Variants in TMEM39A observed in about 807,000 individuals in gnomAD.
TMEM39A encodes the protein suppressor of SQST-1 aggregates in rpl-43 mutants.
TMEM39A carries 19 observed loss-of-function variants against 51.9 expected under a neutral mutation model. That is an observed-to-expected ratio of 0.37 (90% CI 0.26 to 0.54). The LOEUF is 0.54. Ranked by LOEUF, TMEM39A falls within the 20% of genes least tolerant of loss-of-function variation. The pLI, the probability that TMEM39A is intolerant of heterozygous loss-of-function variation, is 0.88. For missense variants in TMEM39A, 433 were observed against 590.5 expected, an observed-to-expected ratio of 0.73 and a Z score of 2.76; for synonymous variants, 197 against 220.2, an observed-to-expected ratio of 0.89 and a Z score of 0.93.
intron 7 of TMEM39A, chr3:119,436,474 T>C (rs2080969115): frequency 4.9e-6 from 1 of 203,960 alleles, no homozygotes. Context: ...TAAAAAGAAA[T>C]AAAATATATG....
chr3:119,435,772 T>C (rs897183064), intron 7 of TMEM39A: 3 of 1,139,398 alleles, frequency 2.6e-6, no homozygotes, highest in Non-Finnish European at 3.3e-6. Context: ...AAAGTGATGA[T>C]ACACCTCATG....
rs1476107218 is a variant in TMEM39A at position 119,431,481 on chromosome 3, C to G, written c.*500G>C. 3 of 152,286 alleles carry G rather than the reference C, an allele frequency of 2.0e-5. No homozygotes were observed. The highest frequency in any genetic ancestry group is 4.4e-5 in the Non-Finnish European group (3 of 68,164). 9.4% of individuals were successfully genotyped at this position (152,286 alleles called of 1,614,324 possible). A position where few individuals can be genotyped will look rare whatever the true frequency, so the allele number is the denominator to read the frequency against. ...AAGCCTACTGCTTTCTCCTGGTAGG[C>G]AACAAAGAGAACCCCACCTAGGACT... On this transcript the variant is annotated 3_prime_UTR_variant, in exon 9 of 9. Transcript: ENST00000319172.
intron 5 of TMEM39A, among the ~76,000 whole-genome samples, chr3:119,445,166 C>T (rs983507316): frequency 1.4e-4 from 22 of 152,052 alleles, no homozygotes; most frequent in African/African-American, 4.8e-4. Flanking sequence ...GTGTAACGCT[C>T]TGAAGTCTTG....
chr3:119,443,067 A>AAAAC (rs1456982982), intron 5 of TMEM39A, among the ~76,000 whole-genome samples: 2 of 149,498 alleles, frequency 1.3e-5, no homozygotes, highest in African/African-American at 4.9e-5. Context: ...CTGTCTCAAA[A>AAAAC]AAAAAAAAAA....
rs770374582 is a variant in TMEM39A, at chr3:119,436,892, C to T, written c.1011G>A (p.Leu337=). 2 of 1,613,986 alleles carry T rather than the reference C, an allele frequency of 1.2e-6. No individual in the cohort carries two copies. The highest frequency in any genetic ancestry group is 2.2e-5 in the South Asian group (2 of 91,078). ...GCAAATCACAGTATTTGGATGGCAACAGTTGCGTGGTGAGCATGACAAAAG... is the reference window on the plus strand; with the variant it reads ...GCAAATCACAGTATTTGGATGGCAATAGTTGCGTGGTGAGCATGACAAAAG... ...INAFVMLTTQ[L]LPSKYCDLLH... The change falls in exon 7 of 9, where the codon CTG becomes CTA. Residue 337 remains leucine (L), a synonymous_variant. Coordinates refer to ENST00000319172, the MANE Select transcript of TMEM39A (RefSeq NM_018266.3).
rs760832694 is a variant in TMEM39A, at chr3:119,431,953, G to A, written c.*28C>T. ...AGAACGTATGAAAATATTTTTATCT[G>A]AGTTCTCCCTCATTGTTGAGAGGCA... On this transcript the variant is annotated 3_prime_UTR_variant, in exon 9 of 9. Coordinates refer to ENST00000319172, the MANE Select transcript of TMEM39A (RefSeq NM_018266.3). 197 of 1,422,766 alleles carry A rather than the reference G, an allele frequency of 1.4e-4. No homozygotes were observed. Among genetic ancestry groups the A allele is most frequent in the Non-Finnish European group, 1.9e-4 (197 of 1,045,908 alleles). The allele number at this position is 1,422,766 out of a possible 1,614,324, so 88.1% of individuals were successfully genotyped here. A position where few individuals can be genotyped will look rare whatever the true frequency, so the allele number is the denominator to read the frequency against.
At chr3:119,434,942 G>GC in intron 7 of TMEM39A, 60 bp from the exon 8 acceptor site, 2 of 1,574,902 alleles carry the variant, frequency 1.3e-6, no homozygotes, top group Non-Finnish European at 1.7e-6. Context: ...ATAGCATCTG[G>GC]CAAGGCCAGC....
At chr3:119,453,046 T>C (rs1463520518) in intron 3 of TMEM39A, among the ~76,000 whole-genome samples, 1 of 152,192 alleles carries the variant, frequency 6.6e-6, no homozygotes, top group Non-Finnish European at 1.5e-5. Context: ...GCCTTATGTT[T>C]GGTCTCTTCT....
rs897221542 is a variant in TMEM39A at position 119,435,456 on chromosome 3, C to T, written c.1113-574G>A. The T allele has an allele frequency of 3.1e-6, 3 of 979,694 alleles. No individual in the cohort carries two copies. In the African/African-American group the frequency reaches 5.3e-5, roughly 17 times the overall value. The allele number at this position is 979,694 out of a possible 1,614,324, so 60.7% of individuals were successfully genotyped here. A position where few individuals can be genotyped will look rare whatever the true frequency, so the allele number is the denominator to read the frequency against. Reference sequence around the variant, plus strand: ...ACACACACACACAGACTTTTCACTGCTTTCATGGTTTATTTTTATAGAGGT... The same window carrying T: ...ACACACACACACAGACTTTTCACTGTTTTCATGGTTTATTTTTATAGAGGT... On this transcript the variant is annotated intron_variant, in intron 7 of 8. Transcript: ENST00000319172.
chr3:119,451,316 A>C, intron 4 of TMEM39A: 1 of 1,287,224 alleles, frequency 7.8e-7, no homozygotes, highest in Non-Finnish European at 1.0e-6. Flanking sequence ...ACACACACAG[A>C]CCTTCCATGT....
intron 6 of TMEM39A, among the ~76,000 whole-genome samples, 156 bp from the exon 7 acceptor site, chr3:119,437,134 C>T (rs12489422): frequency 0.041 from 6,187 of 152,250 alleles, 234 homozygotes; most frequent in Admixed American, 0.12. Context: ...GAGCAGAGTC[C>T]TCCACAATCC....
intron 6 of TMEM39A, among the ~76,000 whole-genome samples, chr3:119,437,406 C>T (rs1206413225): frequency 3.3e-5 from 5 of 151,846 alleles, no homozygotes; most frequent in Non-Finnish European, 7.4e-5. Context: ...CTCCTGATAA[C>T]CATGTTAAGA....
At chr3:119,447,941 G>A (rs1227803240) in intron 4 of TMEM39A, among the ~76,000 whole-genome samples, 1 of 152,122 alleles carries the variant, frequency 6.6e-6, no homozygotes, top group East Asian at 1.9e-4. Flanking sequence ...TAAACATGGA[G>A]AGACACTAAT....
At chr3:119,453,666 G>A (rs997679003) in intron 3 of TMEM39A, among the ~76,000 whole-genome samples, 2 of 152,182 alleles carry the variant, frequency 1.3e-5, no homozygotes, top group African/African-American at 4.8e-5. Flanking sequence ...TGGTTTGGAA[G>A]AAGCATATTG....
intron 4 of TMEM39A, chr3:119,451,229 C>CA: frequency 7.8e-7 from 1 of 1,278,598 alleles, no homozygotes. Context: ...TGGTTAACTT[C>CA]AAATGGTTTT....
rs1438116551 is a variant in TMEM39A at position 119,430,106 on chromosome 3, A to G, written c.*1875T>C. 3 of 152,046 alleles carry G rather than the reference A, an allele frequency of 2.0e-5. No homozygotes were observed. The highest frequency in any genetic ancestry group is 7.2e-5 in the African/African-American group (3 of 41,406). The allele number at this position is 152,046 out of a possible 1,614,324, so 9.4% of individuals were successfully genotyped here. On this transcript the variant is annotated 3_prime_UTR_variant, in exon 9 of 9. Coordinates refer to ENST00000319172, the MANE Select transcript of TMEM39A (RefSeq NM_018266.3). ...AGAATAGAAAGATGGCAGATTCCCT[A>G]CCCTTCCCACCCCTACCTCAAGAAC...
chr3:119,435,429 T>TCA (rs35089447), intron 7 of TMEM39A: 187,437 of 981,008 alleles, frequency 0.19, 17,139 homozygotes, highest in Non-Finnish European at 0.2. Context: ...GCGATACATC[T>TCA]CACACACACA....
Position 119,438,066 on chromosome 3 carries a change from C to A in TMEM39A, c.613G>T (p.Asp205Tyr). 1 of 1,596,578 alleles carries A rather than the reference C, an allele frequency of 6.3e-7. No individual in the cohort carries two copies. The highest frequency in any genetic ancestry group is 8.6e-7 in the Non-Finnish European group (1 of 1,165,264). The change falls in exon 6 of 9, where the codon GAT becomes TAT. Residue 205 changes from aspartate (D) to tyrosine (Y), a missense_variant. Transcript: ENST00000319172. ...VYVPLCCFHQ[D>Y]SRAHLLLTDY... is the part of the protein sequence containing the mutation. The stretch of plus-strand genomic sequence containing the variant: ...GTGAGAAGAAGATGTGCTCTACTAT[C>A]TTGATGAAAACAGCAAAGAGGAACA...
Position 119,430,513 on chromosome 3 carries a change from C to G in TMEM39A, c.*1468G>C, listed in dbSNP as rs1330140176. ...GTAGGACCTTTGCATTTCTCATTCA[C>G]TGCTATATCCCCAGGGCCTAATATA... On this transcript the variant is annotated 3_prime_UTR_variant, in exon 9 of 9. Transcript: ENST00000319172. The G allele has an allele frequency of 6.6e-6, 1 of 152,006 alleles. No homozygotes were observed. The highest frequency in any genetic ancestry group is 2.4e-5 in the African/African-American group (1 of 41,382). 9.4% of individuals were successfully genotyped at this position (152,006 alleles called of 1,614,324 possible).
Sources: gnomAD v4.1 joint callset for allele counts (sites outside exome capture counted in the v4.1 genomes callset) on GRCh38, gnomAD v4.1.1 for gene constraint, MANE v1.5 for transcripts, NCBI Gene and HGNC (gene_info 2026-07-23, HGNC 2026-07-21) for gene names.